The following CPNE8 variants were observed in gnomAD, a reference collection of about 807,000 sequenced individuals.
CPNE8 encodes the protein copine 8.
Under a neutral mutation model 81.5 loss-of-function variants are expected in CPNE8, and 45 were observed. The observed-to-expected ratio is 0.55, with a 90% CI of 0.44 to 0.71. The LOEUF (loss-of-function observed/expected upper bound fraction) is 0.71. Among genes scored for constraint, CPNE8 ranks in the 30% least tolerant of loss-of-function variants. The probability of loss-of-function intolerance (pLI) is 0.00; values close to 1 mark genes in which losing one functional copy is unlikely to be tolerated. For missense variants in CPNE8, 594 were observed against 672.1 expected, an observed-to-expected ratio of 0.88 and a Z score of 1.28; for synonymous variants, 252 against 226.3, an observed-to-expected ratio of 1.11 and a Z score of -1.02.
chr12:38,811,191 ATAAGTTTTAT>A (rs1458862476), intron 6 of CPNE8, among the ~76,000 whole-genome samples: 4 of 151,608 alleles, frequency 2.6e-5, no homozygotes, highest in Non-Finnish European at 5.9e-5. Flanking sequence ...TATAAGACAT[ATAAGTTTTAT>A]TGCAGTATTG....
chr12:38,799,398 T>A (rs1283475536), intron 6 of CPNE8, among the ~76,000 whole-genome samples: 8 of 152,042 alleles, frequency 5.3e-5, no homozygotes, highest in African/African-American at 1.7e-4. Context: ...AAACTCACTC[T>A]AAACTGCTCA....
At chr12:38,741,197 G>T (rs1941093459) in intron 10 of CPNE8, among the ~76,000 whole-genome samples, 1 of 152,010 alleles carries the variant, frequency 6.6e-6, no homozygotes, top group Non-Finnish European at 1.5e-5. Context: ...AGTTCATATG[G>T]AACCAAAAAA....
chr12:38,719,348 G>T (rs1940491963), intron 13 of CPNE8, among the ~76,000 whole-genome samples: 2 of 151,942 alleles, frequency 1.3e-5, no homozygotes, highest in African/African-American at 4.8e-5. Context: ...TCATTCCTGT[G>T]ATTCCAGCAC....
At chr12:38,873,076 ATATAAATGTCTT>A (rs1223417589) in intron 2 of CPNE8, 26 bp from the exon 3 acceptor site, 1 of 1,386,154 alleles carries the variant, frequency 7.2e-7, no homozygotes. Flanking sequence ...AAATACGCAC[ATATAAATGTCTT>A]TTATGAAAAT....
intron 18 of CPNE8, among the ~76,000 whole-genome samples, chr12:38,671,724 A>G (rs1055728530): frequency 2.6e-5 from 4 of 152,068 alleles, no homozygotes; most frequent in African/African-American, 9.7e-5. Context: ...TCAGCATACA[A>G]TCCTCACTTC....
intron 19 of CPNE8, among the ~76,000 whole-genome samples, chr12:38,657,319 G>C (rs1295859861): frequency 6.6e-6 from 1 of 152,114 alleles, no homozygotes; most frequent in African/African-American, 2.4e-5. Flanking sequence ...GCAGCCTGGT[G>C]GGGGGAGGGG....
intron 3 of CPNE8, among the ~76,000 whole-genome samples, chr12:38,865,990 T>C (rs1276059679): frequency 2.0e-5 from 3 of 152,214 alleles, no homozygotes; most frequent in Non-Finnish European, 4.4e-5. Context: ...CTATTTTACG[T>C]CCTTTTCTGA....
intron 6 of CPNE8, among the ~76,000 whole-genome samples, chr12:38,799,501 G>A (rs1018107430): frequency 6.6e-6 from 1 of 152,092 alleles, no homozygotes; most frequent in Non-Finnish European, 1.5e-5. Flanking sequence ...AAACCAACGA[G>A]AACAAAGACA....
chr12:38,745,107 C>A (rs1941198332), intron 10 of CPNE8, among the ~76,000 whole-genome samples: 1 of 152,154 alleles, frequency 6.6e-6, no homozygotes, highest in African/African-American at 2.4e-5. Flanking sequence ...CATTACAGGC[C>A]TTCCACCATA....
At chr12:38,800,459 AG>A in intron 6 of CPNE8, among the ~76,000 whole-genome samples, 1 of 36,618 alleles carries the variant, frequency 2.7e-5, no homozygotes, top group African/African-American at 6.2e-5. Context: ...GTCTGTTAGA[AG>A]GAAAACTAAC....
chr12:38,734,145 G>C (rs1377303503), intron 10 of CPNE8, among the ~76,000 whole-genome samples: 1 of 151,946 alleles, frequency 6.6e-6, no homozygotes, highest in Non-Finnish European at 1.5e-5. Context: ...TTGAAGGCAA[G>C]AAAGGTATTA....
chr12:38,788,051 C>T (rs1942236777), intron 6 of CPNE8, among the ~76,000 whole-genome samples: 1 of 147,072 alleles, frequency 6.8e-6, no homozygotes, highest in Non-Finnish European at 1.5e-5. Flanking sequence ...AAAACTAATA[C>T]CAATCTTATT....
intron 4 of CPNE8, among the ~76,000 whole-genome samples, chr12:38,846,598 G>C (rs964945451): frequency 3.3e-5 from 5 of 152,072 alleles, no homozygotes; most frequent in Admixed American, 1.3e-4. Context: ...GGTGCTATAA[G>C]TGCTTTTTCC....
chr12:38,721,859 C>A (rs531608938), intron 13 of CPNE8, among the ~76,000 whole-genome samples: 7 of 152,194 alleles, frequency 4.6e-5, no homozygotes, highest in Admixed American at 3.9e-4. Context: ...CATAGCCTTG[C>A]GGAGAGCTGG....
chr12:38,816,795 C>A (rs1384094742), intron 6 of CPNE8, among the ~76,000 whole-genome samples: 1 of 152,166 alleles, frequency 6.6e-6, no homozygotes, highest in Non-Finnish European at 1.5e-5. Flanking sequence ...ATCAGAGTTA[C>A]CTCAAACTGT....
At chr12:38,773,280 T>G (rs192120447) in intron 7 of CPNE8, among the ~76,000 whole-genome samples, 255 of 152,224 alleles carry the variant, frequency 1.7e-3, no homozygotes, top group African/African-American at 6.0e-3. Context: ...CACTGTATAT[T>G]TAAAAATCTG....
intron 13 of CPNE8, among the ~76,000 whole-genome samples, chr12:38,709,745 C>T (rs1940203294): frequency 6.6e-6 from 1 of 152,092 alleles, no homozygotes; most frequent in Non-Finnish European, 1.5e-5. Context: ...ATCTGATGCT[C>T]CCATGTCAGA....
intron 10 of CPNE8, among the ~76,000 whole-genome samples, chr12:38,749,831 G>A (rs1283073815): frequency 2.0e-5 from 3 of 152,184 alleles, no homozygotes; most frequent in African/African-American, 7.2e-5. Context: ...GCCTGACAAT[G>A]TAATAGAAAT....
chr12:38,891,033 T>A (rs1051223403), intron 1 of CPNE8, among the ~76,000 whole-genome samples: 3 of 151,794 alleles, frequency 2.0e-5, no homozygotes, highest in East Asian at 1.9e-4. Flanking sequence ...TTGAAGAGAA[T>A]CTCCTGCCTC....
Sources: gnomAD v4.1 joint callset for allele counts (sites outside exome capture counted in the v4.1 genomes callset) on GRCh38, gnomAD v4.1.1 for gene constraint, MANE v1.5 for transcripts, NCBI Gene and HGNC (gene_info 2026-07-23, HGNC 2026-07-21) for gene names.